The following AMOTL1 variants were observed in gnomAD, a reference collection of about 807,000 sequenced individuals.
AMOTL1 encodes angiomotin like 1.
In AMOTL1, 45 loss-of-function variants were observed where a neutral mutation model predicts 102.9. That is an observed-to-expected ratio of 0.44 (90% CI 0.34 to 0.56). AMOTL1 has a LOEUF of 0.56. AMOTL1 is among the 20% of genes least tolerant of loss of function. The pLI, the probability that AMOTL1 is intolerant of heterozygous loss-of-function variation, is 0.01. For missense variants in AMOTL1, 1,114 were observed against 1,225.6 expected (o/e 0.91, Z 1.36); for synonymous variants, 481 against 484.7 (o/e 0.99, Z 0.10).
chr11:94,749,111 C>T (rs1327052668), intron 3 of AMOTL1, among the ~76,000 whole-genome samples: 1 of 152,206 alleles, frequency 6.6e-6, no homozygotes, highest in Non-Finnish European at 1.5e-5. Flanking sequence ...GACAGGCTGT[C>T]TGCAAGCTGG....
At chr11:94,712,051 A>C (rs2135429480) in intron 1 of AMOTL1, among the ~76,000 whole-genome samples, 1 of 152,192 alleles carries the variant, frequency 6.6e-6, no homozygotes, top group East Asian at 1.9e-4. Context: ...ATAATATTTT[A>C]TGTTACCACC....
At position 94,870,705 on chromosome 11, in the gene AMOTL1, T is replaced by C. The variant is rs924192189; in HGVS notation, c.2781T>C (p.His927=). 1.2e-6 allele frequency: 2 copies of C among 1,600,944 alleles called. No homozygotes were observed. Among genetic ancestry groups the C allele is most frequent in the African/African-American group, 2.7e-5 (2 of 74,748 alleles). Residue 927 remains histidine, a synonymous_variant, in exon 13 of 13, where the codon CAT becomes CAC. Transcript: ENST00000433060. ...ATTTGGCAGAGAACTCTCCTGGCCA[T>C]GGGAAGTCGCCTGACCACAGAGGCC... The part of the protein sequence containing the change: ...TAEKLENSPG[H]GKSPDHRGRV...
In AMOTL1 at chr11:94,722,565, T is replaced by C. The variant is rs77665942; in HGVS notation, c.-50-6356T>C. On this transcript the variant is annotated intron_variant, in intron 1 of 4. Transcript: ENST00000299004. ...TTAGGATGAGTGATGTTATATACCT[T>C]GCTCACAGATCACTGCTAATAAATG... Among the ~76,000 whole-genome samples the C allele has an allele frequency of 2.8e-4, 43 of 152,276 alleles. No individual in the cohort carries two copies. The East Asian group carries it at 7.9e-3, about 28-fold the overall frequency.
At chr11:94,767,334 C>G (rs1591944134), upstream of AMOTL1, among the ~76,000 whole-genome samples, 1 of 151,998 alleles carries the variant, frequency 6.6e-6, no homozygotes. Context: ...GTAGGAGGGC[C>G]CATCAGGGGA....
chr11:94,837,016 G>A (rs931296965), intron 6 of AMOTL1, among the ~76,000 whole-genome samples: 4 of 152,142 alleles, frequency 2.6e-5, no homozygotes, highest in African/African-American at 7.2e-5. Flanking sequence ...TACACCATGA[G>A]CAAAGGGGAA....
At position 94,762,623 on chromosome 11, in the gene AMOTL1, G is replaced by T. The variant is rs371047838; in HGVS notation, c.136+21635G>T. Among the ~76,000 whole-genome samples the T allele has an allele frequency of 3.7e-4, 57 of 152,322 alleles. 3 individuals carry two copies. In the South Asian group the frequency reaches 0.011, roughly 30 times the overall value. On this transcript the variant is annotated intron_variant, in intron 3 of 4. Coordinates refer to the AMOTL1 transcript ENST00000299004. ...AAATAATGTTTAGAATAACTGTCAT[G>T]TATCGAATATCTACTCCATGTCGGA... is the stretch of plus-strand genomic sequence containing the variant.
rs80041260 is a variant in AMOTL1, at chr11:94,854,297, G to A, written c.1944+215G>A. On this transcript the variant is annotated intron_variant, in intron 8 of 12. Coordinates refer to ENST00000433060, the MANE Select transcript of AMOTL1 (RefSeq NM_130847.3). The stretch of plus-strand genomic sequence containing the variant: ...ATGTCCTCACAGAGAGAAAGTGGTC[G>A]CCAGCTTGGGGCTGGGGAGAGCGGA... Among the ~76,000 whole-genome samples the A allele has an allele frequency of 2.0e-3, 312 of 152,304 alleles. 1 individual carries two copies. Among genetic ancestry groups the A allele is most frequent in the African/African-American group, 7.1e-3 (296 of 41,562 alleles).
At position 94,726,844 on chromosome 11, in the gene AMOTL1, A is replaced by G. The variant is rs150549030; in HGVS notation, c.-50-2077A>G. ...GGAATTTCAGTAACAGGTGTGATGG[A>G]TCAAAACCTTCCTCAAAATACATGT... On this transcript the variant is annotated intron_variant, in intron 1 of 4. Transcript: ENST00000299004. Among the ~76,000 whole-genome samples the G allele has an allele frequency of 7.5e-3, 1,141 of 152,240 alleles. 4 individuals carry two copies. The highest frequency in any genetic ancestry group is 0.011 in the Non-Finnish European group (768 of 68,010).
At chr11:94,842,684 A>C (rs1385957481) in intron 6 of AMOTL1, among the ~76,000 whole-genome samples, 1 of 152,212 alleles carries the variant, frequency 6.6e-6, no homozygotes, top group African/African-American at 2.4e-5. Flanking sequence ...TGACTAAACT[A>C]GTAGCTTTCA....
At chr11:94,723,189 G>C (rs950227951) in intron 1 of AMOTL1, among the ~76,000 whole-genome samples, 2 of 152,122 alleles carry the variant, frequency 1.3e-5, no homozygotes, top group African/African-American at 4.8e-5. Context: ...AGTGGGAACG[G>C]AAGGGTGAAC....
chr11:94,772,730 G>C (rs1187994282), intron 1 of AMOTL1, among the ~76,000 whole-genome samples: 1 of 152,202 alleles, frequency 6.6e-6, no homozygotes, highest in Non-Finnish European at 1.5e-5. Context: ...AAATGCCCAT[G>C]ATTGTGATTG....
chr11:94,741,011 T>G (rs1250949550), intron 3 of AMOTL1: 1 of 1,288,884 alleles, frequency 7.8e-7, no homozygotes. Flanking sequence ...ATTTTGTCTT[T>G]TATTTCTTGG....
intron 3 of AMOTL1, among the ~76,000 whole-genome samples, chr11:94,743,907 C>T (rs933129129): frequency 2.6e-5 from 4 of 152,110 alleles, no homozygotes; most frequent in African/African-American, 9.7e-5. Context: ...GATCTGCCCT[C>T]TTCTGTCGGC....
chr11:94,852,852 G>A (rs1952573061), intron 7 of AMOTL1, among the ~76,000 whole-genome samples: 1 of 151,850 alleles, frequency 6.6e-6, no homozygotes, highest in Admixed American at 6.6e-5. Flanking sequence ...TACATAAATG[G>A]GTACACATAC....
At chr11:94,769,921 A>G (rs1270748157) in intron 1 of AMOTL1, among the ~76,000 whole-genome samples, 1 of 152,212 alleles carries the variant, frequency 6.6e-6, no homozygotes, top group East Asian at 1.9e-4. Context: ...GCTTTCGGCT[A>G]ACCAAAGCAG....
chr11:94,826,445 G>A (rs754187458), intron 4 of AMOTL1, among the ~76,000 whole-genome samples: 5 of 152,106 alleles, frequency 3.3e-5, no homozygotes, highest in African/African-American at 1.2e-4. Context: ...TATTTAGCTC[G>A]TGATTCTGCA....
At chr11:94,734,385 T>C (rs932648153) in intron 2 of AMOTL1, among the ~76,000 whole-genome samples, 1 of 152,196 alleles carries the variant, frequency 6.6e-6, no homozygotes, top group Admixed American at 6.5e-5. Flanking sequence ...TCAAGTCTTA[T>C]AAAGAAGTGG....
chr11:94,734,005 C>T (rs1316013133), intron 2 of AMOTL1, among the ~76,000 whole-genome samples: 1 of 152,204 alleles, frequency 6.6e-6, no homozygotes, highest in Non-Finnish European at 1.5e-5. Context: ...GTGGGGAACG[C>T]AGTGCAGGAA....
intron 3 of AMOTL1, among the ~76,000 whole-genome samples, chr11:94,758,822 A>G (rs1950758933): frequency 1.3e-5 from 2 of 152,126 alleles, no homozygotes; most frequent in South Asian, 4.2e-4. Flanking sequence ...TCACTCCTTA[A>G]CTTGACAGCA....
Sources: allele counts gnomAD v4.1 joint callset (sites outside exome capture counted in the v4.1 genomes callset), GRCh38; gene constraint gnomAD v4.1.1; transcripts MANE v1.5; gene names NCBI Gene and HGNC (gene_info 2026-07-23, HGNC 2026-07-21).